Variants in PUDP observed in about 807,000 individuals in gnomAD.
The protein encoded by PUDP is pseudouridine-5'-phosphatase.
PUDP carries 8 observed loss-of-function variants against 9.4 expected under a neutral mutation model. The observed-to-expected ratio is 0.85, with a 90% CI of 0.50 to 1.53. The LOEUF (loss-of-function observed/expected upper bound fraction) is 1.53, where lower values mean the gene tolerates loss of function less well. PUDP is among the 40% of genes most tolerant of loss of function. The pLI is 0.00. For missense variants in PUDP, 188 were observed against 189.7 expected (o/e 0.99, Z 0.05); for synonymous variants, 99 against 80.7 (o/e 1.23, Z -1.22).
At chrX:6,899,022 A>G (rs1927633936) in intron 3 of PUDP, among the ~76,000 whole-genome samples, 1 of 112,128 alleles carries the variant, frequency 8.9e-6, no homozygotes, top group African/African-American at 3.2e-5. Flanking sequence ...GGGCTGGTTG[A>G]AGATCCACTT....
At chrX:7,094,914 AAAAATC>A (rs1424579949) in intron 2 of PUDP, among the ~76,000 whole-genome samples, 9 of 111,768 alleles carry the variant, frequency 8.1e-5, no homozygotes, top group Non-Finnish European at 1.7e-4. Flanking sequence ...CTGCCTAAGT[AAAAATC>A]CCTGAGGTCC....
chrX:7,049,920 C>A lies in PUDP; in HGVS notation c.*376G>T, dbSNP rs1054869809. The A allele has an allele frequency of 7.0e-5, 10 of 143,687 alleles. No individual in the cohort carries two copies. Among genetic ancestry groups the A allele is most frequent in the African/African-American group, 2.8e-4 (9 of 32,175 alleles). The allele number at this position is 143,687 out of a possible 1,213,427, so 11.8% of individuals were successfully genotyped here. A position where few individuals can be genotyped will look rare whatever the true frequency, so the allele number is the denominator to read the frequency against. On this transcript the variant is annotated 3_prime_UTR_variant, in exon 4 of 4. Transcript: ENST00000381077. ...ACATATACATGCATGCATATGTCTACATACATATGCATGTAATGCCTACCT... is the reference window on the plus strand; with the variant it reads ...ACATATACATGCATGCATATGTCTAAATACATATGCATGTAATGCCTACCT...
chrX:7,020,783 C>T (rs1350050658), intron 1 of PUDP, among the ~76,000 whole-genome samples: 1 of 112,852 alleles, frequency 8.9e-6, no homozygotes, highest in Non-Finnish European at 1.9e-5. Context: ...ACATCAGCCT[C>T]ATGGCTGGCA....
intron 3 of PUDP, among the ~76,000 whole-genome samples, chrX:6,942,818 G>A (rs766798917): frequency 4.5e-5 from 5 of 111,863 alleles, no homozygotes; most frequent in South Asian, 7.5e-4. Flanking sequence ...AGATATTGGC[G>A]TGGTGTAGCC....
intron 3 of PUDP, among the ~76,000 whole-genome samples, chrX:6,903,589 C>G (rs1927722659): frequency 9.0e-6 from 1 of 111,337 alleles, no homozygotes; most frequent in Non-Finnish European, 1.9e-5. Flanking sequence ...ATATATACAC[C>G]ATGGAATACT....
intron 1 of PUDP, among the ~76,000 whole-genome samples, chrX:6,720,283 T>TATATAC (rs1378736497): frequency 1.1e-5 from 1 of 90,209 alleles, no homozygotes; most frequent in Non-Finnish European, 2.1e-5. Flanking sequence ...TATATATATA[T>TATATAC]ATATACACAC....
intron 2 of PUDP, among the ~76,000 whole-genome samples, chrX:7,083,849 C>T (rs1265245107): frequency 1.9e-5 from 2 of 105,272 alleles, no homozygotes; most frequent in African/African-American, 7.0e-5. Context: ...TGCAGTCAGC[C>T]GAGATCACAC....
chrX:7,046,823 T>C (rs972694606), downstream of PUDP, among the ~76,000 whole-genome samples: 2 of 112,496 alleles, frequency 1.8e-5, no homozygotes. Flanking sequence ...AATTCTCAAG[T>C]AGTTTTTAAA....
intron 3 of PUDP, among the ~76,000 whole-genome samples, chrX:6,841,143 G>A (rs989049065): frequency 3.7e-5 from 4 of 109,300 alleles, no homozygotes; most frequent in Admixed American, 9.9e-5. Context: ...TGGACATGGC[G>A]GCGCACTCCT....
At chrX:6,876,501 CATAAACAT>C (rs1326863082) in intron 3 of PUDP, among the ~76,000 whole-genome samples, 6 of 109,929 alleles carry the variant, frequency 5.5e-5, no homozygotes, top group Non-Finnish European at 9.5e-5. Flanking sequence ...CACATATACA[CATAAACAT>C]ATAGACATAT....
chrX:6,809,004 G>A, intron 3 of PUDP, among the ~76,000 whole-genome samples: 2 of 111,886 alleles, frequency 1.8e-5, no homozygotes, highest in Admixed American at 1.9e-4. Flanking sequence ...CTCACGGGCT[G>A]GACACGTGTG....
At chrX:6,825,757 T>A (rs966236988) in intron 3 of PUDP, among the ~76,000 whole-genome samples, 2 of 111,068 alleles carry the variant, frequency 1.8e-5, no homozygotes, top group African/African-American at 6.6e-5. Flanking sequence ...TCTCCCATCC[T>A]GAATGCAAGC....
At chrX:6,878,245 G>C (rs1481265668) in intron 3 of PUDP, among the ~76,000 whole-genome samples, 4 of 109,717 alleles carry the variant, frequency 3.6e-5, no homozygotes, top group Non-Finnish European at 7.6e-5. Context: ...GTAAGTAGTA[G>C]AATAAATATT....
chrX:7,137,560 C>G (rs1932763438), intron 1 of PUDP, among the ~76,000 whole-genome samples: 1 of 111,532 alleles, frequency 9.0e-6, no homozygotes, highest in Non-Finnish European at 1.9e-5. Context: ...AACAAACACA[C>G]AAACAAACAA....
intron 1 of PUDP, among the ~76,000 whole-genome samples, chrX:7,139,350 G>A (rs1292009150): frequency 5.4e-5 from 6 of 112,004 alleles, no homozygotes; most frequent in Admixed American, 9.5e-5. Flanking sequence ...TAAATAACAC[G>A]AGAAATTCAG....
intron 3 of PUDP, among the ~76,000 whole-genome samples, chrX:6,769,085 G>A (rs1364728215): frequency 4.5e-5 from 5 of 112,037 alleles, no homozygotes; most frequent in African/African-American, 1.6e-4. Flanking sequence ...AATGGATCTT[G>A]AACACAGTGT....
At chrX:6,915,249 T>C (rs1022470087) in intron 3 of PUDP, among the ~76,000 whole-genome samples, 21 of 112,618 alleles carry the variant, frequency 1.9e-4, no homozygotes, top group African/African-American at 5.8e-4. Flanking sequence ...TCAGTCATTA[T>C]ATAAACAGAG....
At chrX:6,906,042 A>G (rs956847511) in intron 3 of PUDP, among the ~76,000 whole-genome samples, 1 of 111,910 alleles carries the variant, frequency 8.9e-6, no homozygotes, top group African/African-American at 3.2e-5. Context: ...AAACCTTTTC[A>G]TCAAAACCTT....
intron 1 of PUDP, among the ~76,000 whole-genome samples, chrX:6,711,717 A>G (rs1924534305): frequency 9.0e-6 from 1 of 111,451 alleles, no homozygotes; most frequent in South Asian, 3.8e-4. Flanking sequence ...AACATTAGCT[A>G]AGGAAGAGAT....
Sources: allele counts gnomAD v4.1 joint callset (sites outside exome capture counted in the v4.1 genomes callset), GRCh38; gene constraint gnomAD v4.1.1; transcripts MANE v1.5; gene names NCBI Gene and HGNC (gene_info 2026-07-23, HGNC 2026-07-21).